NBAS: variants seen among roughly 807,000 people sequenced by gnomAD.
The protein encoded by NBAS is NAG/BC035112 fusion.
NBAS carries 219 observed loss-of-function variants against 302.5 expected under a neutral mutation model. That is an observed-to-expected ratio of 0.72 (90% CI 0.65 to 0.81). The LOEUF is 0.81. NBAS is among the 30% of genes least tolerant of loss of function. The pLI, the probability that NBAS is intolerant of heterozygous loss-of-function variation, is 0.00. For missense variants in NBAS, 2,932 were observed against 2,841.6 expected (o/e 1.03, Z -0.72); for synonymous variants, 1,118 against 1,021.6 (o/e 1.09, Z -1.80).
chr2:15,474,390 AAAGAAAATATATTTCT>A, intron 14 of NBAS, 66 bp from the exon 15 acceptor site: 1 of 1,421,850 alleles, frequency 7.0e-7, no homozygotes, highest in Non-Finnish European at 9.6e-7. Flanking sequence ...AGAATTAATG[AAAGAAAATATATTTCT>A]AAATCTACTC....
the NBAS span, among the ~76,000 whole-genome samples, chr2:14,955,239 C>A: frequency 6.6e-6 from 1 of 152,242 alleles, no homozygotes; most frequent in Non-Finnish European, 1.5e-5. Context: ...TGTCTCACAT[C>A]CAGGTCTCAC....
the NBAS span, among the ~76,000 whole-genome samples, chr2:15,060,220 C>T: frequency 6.6e-6 from 1 of 152,108 alleles, no homozygotes; most frequent in Non-Finnish European, 1.5e-5. Context: ...GAGATGTGGA[C>T]GTGGATTTGT....
chr2:14,910,927 T>G, the NBAS span, among the ~76,000 whole-genome samples: 1 of 152,364 alleles, frequency 6.6e-6, no homozygotes, highest in African/African-American at 2.4e-5. Flanking sequence ...TTTGGTAATT[T>G]ACCCGCACAG....
chr2:15,558,964 G>A (rs1182948906), intron 1 of NBAS, among the ~76,000 whole-genome samples: 1 of 148,626 alleles, frequency 6.7e-6, no homozygotes, highest in Non-Finnish European at 1.5e-5. Context: ...AGCTACTTGG[G>A]AAGCTGAGGT....
At chr2:15,305,073 G>T (rs996677243) in intron 40 of NBAS, among the ~76,000 whole-genome samples, 10 of 152,280 alleles carry the variant, frequency 6.6e-5, no homozygotes, top group East Asian at 5.8e-4. Flanking sequence ...GACTGGTTTT[G>T]AAATGTGAAA....
chr2:14,843,464 T>C, the NBAS span, among the ~76,000 whole-genome samples: 2 of 151,812 alleles, frequency 1.3e-5, no homozygotes, highest in Non-Finnish European at 2.9e-5. Context: ...ACAAATTCAA[T>C]AAAGTTGAGA....
At chr2:15,317,453 G>A (rs912673774) in intron 38 of NBAS, among the ~76,000 whole-genome samples, 5 of 152,150 alleles carry the variant, frequency 3.3e-5, no homozygotes, top group South Asian at 2.1e-4. Context: ...AAACTTCTCC[G>A]AGCTAAAGGA....
chr2:14,917,998 C>T, the NBAS span, among the ~76,000 whole-genome samples: 19,129 of 151,974 alleles, frequency 0.13, 1,396 homozygotes, highest in Middle Eastern at 0.19. Flanking sequence ...CCAGTGGGAC[C>T]CCTGGTTTTT....
intron 29 of NBAS, among the ~76,000 whole-genome samples, chr2:15,381,014 T>C (rs1172414030): frequency 6.6e-6 from 1 of 152,164 alleles, no homozygotes; most frequent in East Asian, 1.9e-4. Flanking sequence ...GAAAGCAAAC[T>C]ATTAAAGAGC....
Position 15,275,499 on chromosome 2 carries a change from T to C in NBAS, c.5709A>G (p.Pro1903=). ...TTTTGTTTACCTTGGTCACAGCTTT[T>C]GGAGAAAATGTAACTGCATCTACCA... ...ITVVDAVTFS[P]KAVTKLSVEA... Residue 1903 remains proline, a synonymous_variant, in exon 44 of 52, where the codon CCA becomes CCG. Coordinates refer to ENST00000281513, the MANE Select transcript of NBAS (RefSeq NM_015909.4). 6.2e-7 allele frequency: 1 copy of C among 1,614,162 alleles called. No homozygotes were observed. Among genetic ancestry groups the C allele is most frequent in the East Asian group, 2.2e-5 (1 of 44,884 alleles).
At chr2:15,391,469 G>A (rs551359109) in intron 28 of NBAS, among the ~76,000 whole-genome samples, 2 of 151,514 alleles carry the variant, frequency 1.3e-5, no homozygotes, top group African/African-American at 4.8e-5. Context: ...AAAAAACAGC[G>A]ATAGAAATTA....
At chr2:15,046,390 C>A in the NBAS span, among the ~76,000 whole-genome samples, 1 of 152,092 alleles carries the variant, frequency 6.6e-6, no homozygotes, top group Non-Finnish European at 1.5e-5. Context: ...TATATATCAA[C>A]CTCCAAGAAA....
rs1253502123 is a variant in NBAS at position 15,277,063 on chromosome 2, AG to A, written c.5176del (p.Leu1726PhefsTer7). 8 of 1,613,704 alleles carry A rather than the reference AG, an allele frequency of 5.0e-6. No homozygotes were observed. Among genetic ancestry groups the A allele is most frequent in the Non-Finnish European group, 6.8e-6 (8 of 1,179,888 alleles). ...TLEIENRAQD[L>X]HLFETLKTDP... ...AGTCTTCAAAGTCTCAAAGAGATGA[AG>A]GTCTTGGGCTCTATTTTCAATTTCT... On this transcript the variant is annotated frameshift_variant, in exon 43 of 52. Coordinates refer to ENST00000281513, the MANE Select transcript of NBAS (RefSeq NM_015909.4). LOFTEE classifies it high-confidence loss of function.
the NBAS span, among the ~76,000 whole-genome samples, chr2:14,900,744 T>C: frequency 2.6e-5 from 4 of 152,154 alleles, no homozygotes; most frequent in African/African-American, 9.7e-5. Context: ...TTTTCAGCAG[T>C]CGCACAAGGC....
At chr2:15,135,780 A>G in the NBAS span, among the ~76,000 whole-genome samples, 1 of 151,764 alleles carries the variant, frequency 6.6e-6, no homozygotes, top group Non-Finnish European at 1.5e-5. Context: ...GGGGTGTCCA[A>G]TCTTTTGGCT....
chr2:14,907,333 C>T, the NBAS span, among the ~76,000 whole-genome samples: 3 of 152,216 alleles, frequency 2.0e-5, no homozygotes, highest in South Asian at 2.1e-4. Flanking sequence ...TCAAGCACTT[C>T]ACTGCGTCTG....
chr2:15,154,701 C>T, the NBAS span, among the ~76,000 whole-genome samples: 1 of 152,180 alleles, frequency 6.6e-6, no homozygotes, highest in African/African-American at 2.4e-5. Context: ...CACCAGAACC[C>T]TAGTCATCAA....
the NBAS span, among the ~76,000 whole-genome samples, chr2:14,922,747 G>T: frequency 1.3e-5 from 2 of 152,136 alleles, no homozygotes; most frequent in Non-Finnish European, 2.9e-5. Flanking sequence ...GAGACAGTAG[G>T]CTTTTTAGAA....
chr2:15,103,059 G>A, the NBAS span, among the ~76,000 whole-genome samples: 1 of 149,936 alleles, frequency 6.7e-6, no homozygotes, highest in African/African-American at 2.5e-5. Context: ...AGGGAGGGAA[G>A]GAAGGGAGGG....
Sources: gnomAD v4.1 joint callset for allele counts (sites outside exome capture counted in the v4.1 genomes callset) on GRCh38, gnomAD v4.1.1 for gene constraint, MANE v1.5 for transcripts, NCBI Gene and HGNC (gene_info 2026-07-23, HGNC 2026-07-21) for gene names.